Variants in NCALD observed in about 807,000 individuals in gnomAD.
The protein encoded by NCALD is neurocalcin delta.
A neutral mutation model predicts 18.6 loss-of-function variants in NCALD; 10 were observed. The observed-to-expected ratio is 0.54, with a 90% confidence interval of 0.33 to 0.91. NCALD has a LOEUF of 0.91. Ranked by LOEUF, NCALD falls within the 40% of genes least tolerant of loss-of-function variation. NCALD has a pLI of 0.03. For missense variants in NCALD, 184 were observed against 247.6 expected, an observed-to-expected ratio of 0.74 and a Z score of 1.72; for synonymous variants, 88 against 87.4, an observed-to-expected ratio of 1.01 and a Z score of -0.04.
In NCALD at chr8:101,930,351, C is replaced by T. The variant is rs118173453; in HGVS notation, c.-156-14493G>A. Among the ~76,000 whole-genome samples, 5 of 152,212 alleles carry T rather than the reference C, an allele frequency of 3.3e-5. No individual in the cohort carries two copies. In the East Asian group the frequency reaches 9.7e-4, roughly 30 times the overall value. On this transcript the variant is annotated intron_variant, in intron 2 of 6. Coordinates refer to the NCALD transcript ENST00000311028. ...GCCTCTGGCTACTCCAACGCCATCT[C>T]CCTGCTGATCAATGCTACAGAGGGT...
At chr8:101,978,352 A>G (rs980707906) in intron 2 of NCALD, among the ~76,000 whole-genome samples, 1 of 152,172 alleles carries the variant, frequency 6.6e-6, no homozygotes, top group Non-Finnish European at 1.5e-5. Flanking sequence ...GATTATCACC[A>G]TCCTCACTCT....
Position 102,078,803 on chromosome 8 carries a change from C to T in NCALD, c.-210+45434G>A, listed in dbSNP as rs116738129. 8.7e-4 allele frequency among the ~76,000 whole-genome samples: 132 copies of T among 152,340 alleles called. 1 individual carries two copies. The highest frequency in any genetic ancestry group is 3.1e-3 in the African/African-American group (127 of 41,576). Reference sequence around the variant, plus strand: ...TTATTACCTTATTTTATTTTGCATTCACTCATCAGTATCTGAAAGTGCACT... The same window carrying T: ...TTATTACCTTATTTTATTTTGCATTTACTCATCAGTATCTGAAAGTGCACT... On this transcript the variant is annotated intron_variant, in intron 1 of 6. Coordinates refer to the NCALD transcript ENST00000311028.
At chr8:101,938,347 C>T (rs1000071028) in intron 2 of NCALD, among the ~76,000 whole-genome samples, 1 of 152,140 alleles carries the variant, frequency 6.6e-6, no homozygotes, top group African/African-American at 2.4e-5. Context: ...CTTATGCCCA[C>T]TTAAGAGATA....
At chr8:101,921,739 CTAA>C (rs1818172815) in intron 2 of NCALD, among the ~76,000 whole-genome samples, 1 of 152,098 alleles carries the variant, frequency 6.6e-6, no homozygotes, top group African/African-American at 2.4e-5. Flanking sequence ...GAATTCTTAT[CTAA>C]GACAGATTCT....
At chr8:101,857,368 A>G (rs549916029) in intron 4 of NCALD, among the ~76,000 whole-genome samples, 1 of 152,196 alleles carries the variant, frequency 6.6e-6, no homozygotes, top group Non-Finnish European at 1.5e-5. Flanking sequence ...TCTAATACTG[A>G]CACAGCCAAA....
chr8:101,897,372 G>C (rs1191495531), intron 3 of NCALD, among the ~76,000 whole-genome samples: 1 of 128,536 alleles, frequency 7.8e-6, no homozygotes, highest in Non-Finnish European at 1.6e-5. Context: ...GTGGTGGGGT[G>C]GGGGGAGGGG....
intron 4 of NCALD, among the ~76,000 whole-genome samples, chr8:101,840,718 CCT>C (rs1814610045): frequency 6.6e-6 from 1 of 152,096 alleles, no homozygotes; most frequent in Non-Finnish European, 1.5e-5. Flanking sequence ...GATATGTGTG[CCT>C]ATCACTCACA....
At chr8:102,049,332 A>G (rs1413108569) in intron 1 of NCALD, among the ~76,000 whole-genome samples, 2 of 152,228 alleles carry the variant, frequency 1.3e-5, no homozygotes, top group East Asian at 3.8e-4. Flanking sequence ...GGACAGTGGT[A>G]CGCATTTAAG....
At position 101,689,499 on chromosome 8, in the gene NCALD, C is replaced by CCTGCCTGCAGCCTCA; in HGVS notation, c.485-108_485-94dup. On this transcript the variant is annotated intron_variant, in intron 3 of 3. Transcript: ENST00000220931. The surrounding 1 kb of genome is among the most constrained non-coding windows in gnomAD (Gnocchi z 4.4). ...CTGCGTGCTGGGCAGTGTCGATTCA[C>CCTGCCTGCAGCCTCA]CTGCCTGCAGCCTCACTGCCACTGT... is the stretch of plus-strand genomic sequence containing the variant. The CCTGCCTGCAGCCTCA allele has an allele frequency of 1.1e-6, 1 of 952,066 alleles. No homozygotes were observed. Among genetic ancestry groups the CCTGCCTGCAGCCTCA allele is most frequent in the Admixed American group, 2.2e-5 (1 of 46,404 alleles). 59.0% of individuals were successfully genotyped at this position (952,066 alleles called of 1,614,324 possible). A position where few individuals can be genotyped will look rare whatever the true frequency, so the allele number is the denominator to read the frequency against.
At chr8:101,803,709 G>A (rs1395258294) in intron 4 of NCALD, among the ~76,000 whole-genome samples, 3 of 152,160 alleles carry the variant, frequency 2.0e-5, no homozygotes, top group Middle Eastern at 3.2e-3. Flanking sequence ...CTTCATGGAT[G>A]ACTTCCTATA....
At chr8:102,112,730 T>C (rs1200949197) in intron 1 of NCALD, among the ~76,000 whole-genome samples, 1 of 151,982 alleles carries the variant, frequency 6.6e-6, no homozygotes, top group African/African-American at 2.4e-5. Flanking sequence ...GTCGTGGGGG[T>C]GGGTGCCTCA....
At chr8:102,015,757 G>A (rs1178506076) in intron 2 of NCALD, among the ~76,000 whole-genome samples, 1 of 152,152 alleles carries the variant, frequency 6.6e-6, no homozygotes, top group Non-Finnish European at 1.5e-5. Context: ...CTTTGGCAGG[G>A]CATAGTAGGA....
intron 1 of NCALD, among the ~76,000 whole-genome samples, chr8:101,747,311 G>A (rs1810467202): frequency 6.6e-6 from 1 of 152,214 alleles, no homozygotes; most frequent in African/African-American, 2.4e-5. Context: ...AAGGACAGCT[G>A]CTAGAAGCCT....
At chr8:101,854,559 TTTTC>T (rs1272671652) in intron 4 of NCALD, among the ~76,000 whole-genome samples, 1 of 152,142 alleles carries the variant, frequency 6.6e-6, no homozygotes, top group African/African-American at 2.4e-5. Flanking sequence ...ACAGCAAATC[TTTTC>T]TTTTTCTTGA....
At chr8:101,988,750 A>G (rs1809928405) in intron 2 of NCALD, among the ~76,000 whole-genome samples, 1 of 152,048 alleles carries the variant, frequency 6.6e-6, no homozygotes, top group South Asian at 2.1e-4. Context: ...TTCCCTTGTT[A>G]TATGAAGTCT....
intron 1 of NCALD, among the ~76,000 whole-genome samples, chr8:102,076,345 G>A (rs7832614): frequency 2.0e-5 from 3 of 152,108 alleles, no homozygotes; most frequent in Admixed American, 6.5e-5. Flanking sequence ...ACAGGCTTGC[G>A]GAGAAGAAAA....
At chr8:101,791,956 C>T (rs866489487), upstream of NCALD, among the ~76,000 whole-genome samples, 33 of 152,274 alleles carry the variant, frequency 2.2e-4, no homozygotes, top group African/African-American at 7.7e-4. Flanking sequence ...TTTAACTCTG[C>T]ACACGTGCCT....
intron 2 of NCALD, among the ~76,000 whole-genome samples, chr8:101,917,851 A>C (rs1227008148): frequency 6.6e-6 from 1 of 152,084 alleles, no homozygotes; most frequent in African/African-American, 2.4e-5. Context: ...CCTACCTATC[A>C]AAAAAACCTC....
chr8:101,914,310 G>A (rs1028717602), intron 3 of NCALD, among the ~76,000 whole-genome samples: 8 of 152,102 alleles, frequency 5.3e-5, no homozygotes, highest in Admixed American at 1.3e-4. Flanking sequence ...AAGTATTTTG[G>A]GGAGGAAGAT....
Sources: allele counts gnomAD v4.1 joint callset (sites outside exome capture counted in the v4.1 genomes callset), GRCh38; gene constraint gnomAD v4.1.1; non-coding constraint Gnocchi (gnomAD v3.1); transcripts MANE v1.5; gene names NCBI Gene and HGNC (gene_info 2026-07-23, HGNC 2026-07-21).